The following NPLOC4 variants were observed in gnomAD, a reference collection of about 807,000 sequenced individuals.
The protein encoded by NPLOC4 is NPL4 homolog, ubiquitin recognition factor, also known as nuclear protein localization protein 4 homolog.
In NPLOC4, 18 loss-of-function variants were observed where a neutral mutation model predicts 80.6. The observed-to-expected ratio is 0.22, with a 90% CI of 0.15 to 0.33. The LOEUF (loss-of-function observed/expected upper bound fraction) is 0.33. Among genes scored for constraint, NPLOC4 ranks in the 10% least tolerant of loss-of-function variants. The pLI is 1.00. For missense variants in NPLOC4, 540 were observed against 786.1 expected (o/e 0.69, Z 3.74); for synonymous variants, 313 against 301.5 (o/e 1.04, Z -0.39).
chr17:81,617,786 G>C (rs544972269), intron 3 of NPLOC4, among the ~76,000 whole-genome samples: 1 of 151,594 alleles, frequency 6.6e-6, no homozygotes, highest in African/African-American at 2.4e-5. Flanking sequence ...AGCCTGCCGA[G>C]TGCCTGCGAT....
intron 11 of NPLOC4, among the ~76,000 whole-genome samples, chr17:81,594,823 G>A (rs1290473264): frequency 6.6e-6 from 1 of 151,768 alleles, no homozygotes. Context: ...GCGCACGCGT[G>A]TAGTCCCAAC....
intron 11 of NPLOC4, among the ~76,000 whole-genome samples, chr17:81,595,591 CT>C (rs1228831953): frequency 6.6e-6 from 1 of 150,592 alleles, no homozygotes; most frequent in African/African-American, 2.4e-5. Context: ...GTCACCCAGG[CT>C]GGAGTGCACT....
rs1332443138 is a variant in NPLOC4 at position 81,558,539 on chromosome 17, G to A, written c.*720C>T. ...GGGCTTCACTAAAGGAGGGAAGGAT[G>A]TGGAAACTAGTCTCTCTCACTCCCC... On this transcript the variant is annotated 3_prime_UTR_variant, in exon 17 of 17. Transcript: ENST00000331134. 6.6e-6 allele frequency: 1 copy of A among 152,150 alleles called. No individual in the cohort carries two copies. Among genetic ancestry groups the A allele is most frequent in the Non-Finnish European group, 1.5e-5 (1 of 68,040 alleles). The allele number at this position is 152,150 out of a possible 1,614,324, so 9.4% of individuals were successfully genotyped here. A position where few individuals can be genotyped will look rare whatever the true frequency, so the allele number is the denominator to read the frequency against.
At chr17:81,610,362 C>T in intron 4 of NPLOC4, 104 bp from the exon 5 acceptor site, 1 of 969,016 alleles carries the variant, frequency 1.0e-6, no homozygotes, top group Non-Finnish European at 1.6e-6. Flanking sequence ...GTTTCCCTGC[C>T]CACGTGGAGT....
At chr17:81,569,302 G>A (rs62073401) in intron 13 of NPLOC4, among the ~76,000 whole-genome samples, 191 bp from the exon 14 acceptor site, 11 of 152,202 alleles carry the variant, frequency 7.2e-5, no homozygotes, top group Admixed American at 3.3e-4. Flanking sequence ...TGGAAACTCC[G>A]CCATCCTGGA....
At chr17:81,618,870 T>C (rs1598676774) in intron 3 of NPLOC4, among the ~76,000 whole-genome samples, 2 of 152,340 alleles carry the variant, frequency 1.3e-5, no homozygotes, top group East Asian at 3.9e-4. Context: ...AGAAAAATTC[T>C]TCTGCCTTGG....
intron 2 of NPLOC4, among the ~76,000 whole-genome samples, chr17:81,626,048 C>T (rs1042415812): frequency 6.6e-6 from 1 of 151,316 alleles, no homozygotes; most frequent in African/African-American, 2.4e-5. Context: ...ACTCAGGAGG[C>T]TGAAACAGGA....
intron 9 of NPLOC4, 35 bp downstream of exon 9, chr17:81,600,306 C>A (rs770379964): frequency 6.5e-7 from 1 of 1,530,586 alleles, no homozygotes; most frequent in Non-Finnish European, 8.9e-7. Flanking sequence ...AGAGCCTGGC[C>A]ACGCCCCCTG....
Position 81,608,769 on chromosome 17 carries a change from G to A in NPLOC4, c.489C>T (p.Ser163=). The A allele has an allele frequency of 6.3e-7, 1 of 1,594,346 alleles. No homozygotes were observed. Among genetic ancestry groups the A allele is most frequent in the Non-Finnish European group, 8.5e-7 (1 of 1,170,088 alleles). The change falls in exon 6 of 17, where the codon TCC becomes TCT. Residue 163 remains serine (S), a synonymous_variant. Coordinates refer to ENST00000331134, the MANE Select transcript of NPLOC4 (RefSeq NM_017921.4). The stretch of plus-strand genomic sequence containing the variant: ...TCAGCTTCCGGATGTAGGCGTGGAA[G>A]GACATGTGCTTCACGGGAGGCTCGA... ...NHLEPPVKHM[S]FHAYIRKLTG...
intron 8 of NPLOC4, 104 bp downstream of exon 8, chr17:81,604,444 G>A: frequency 9.7e-7 from 1 of 1,035,566 alleles, no homozygotes. Context: ...GTGTGACAAA[G>A]GGGGAACAAA....
intron 8 of NPLOC4, 56 bp from the exon 9 acceptor site, chr17:81,600,483 A>C (rs948289015): frequency 1.6e-5 from 22 of 1,375,684 alleles, no homozygotes; most frequent in Non-Finnish European, 2.1e-5. Context: ...AGGAAGCAGC[A>C]CCCCAAGCCC....
chr17:81,562,230 T>TCAAAA (rs1272093139), intron 16 of NPLOC4: 3 of 151,724 alleles, frequency 2.0e-5, no homozygotes, highest in African/African-American at 7.3e-5. Flanking sequence ...AGATTCCGTC[T>TCAAAA]CAAAACAAAA....
At chr17:81,589,850 CA>C (rs541871324) in intron 11 of NPLOC4, among the ~76,000 whole-genome samples, 41,077 of 130,118 alleles carry the variant, frequency 0.32, 6,350 homozygotes, top group Middle Eastern at 0.45. Context: ...ATCAATCAAT[CA>C]AAAAAAAAAA....
At chr17:81,605,092 CTATTT>C (rs1303932816) in intron 7 of NPLOC4, among the ~76,000 whole-genome samples, 1 of 151,664 alleles carries the variant, frequency 6.6e-6, no homozygotes. Flanking sequence ...AATCCCGTCT[CTATTT>C]TTTTTGTATT....
Position 81,636,959 on chromosome 17 carries a change from C to A in NPLOC4, c.-29G>T. On this transcript the variant is annotated 5_prime_UTR_variant, in exon 1 of 17. Coordinates refer to ENST00000331134, the MANE Select transcript of NPLOC4 (RefSeq NM_017921.4). ...GGCTGCTCCTGCCTCCGGGCTCGAG[C>A]CCCGGGCCGCCGCCGCCTGCCGCCC... 7.9e-7 allele frequency: 1 copy of A among 1,271,040 alleles called. No individual in the cohort carries two copies. Among genetic ancestry groups the A allele is most frequent in the Non-Finnish European group, 9.9e-7 (1 of 1,007,370 alleles). The allele number at this position is 1,271,040 out of a possible 1,614,324, so 78.7% of individuals were successfully genotyped here.
In NPLOC4 at chr17:81,588,847, C is replaced by T. The variant is rs868836909; in HGVS notation, c.1281+97G>A. 6.7e-6 allele frequency: 7 copies of T among 1,037,044 alleles called. No individual in the cohort carries two copies. The Middle Eastern group carries it at 8.8e-4, about 130-fold the overall frequency. 64.2% of individuals were successfully genotyped at this position (1,037,044 alleles called of 1,614,324 possible). A position where few individuals can be genotyped will look rare whatever the true frequency, so the allele number is the denominator to read the frequency against. ...GCAGGGTTCAACCACAGCTGACAAA[C>T]GGCTGCTATAGGCAGAATGCACCCA... On this transcript the variant is annotated intron_variant, in intron 12 of 16. Transcript: ENST00000331134.
intron 3 of NPLOC4, among the ~76,000 whole-genome samples, chr17:81,613,780 A>G (rs1202859261): frequency 1.3e-5 from 2 of 151,984 alleles, no homozygotes; most frequent in African/African-American, 4.8e-5. Context: ...CACAGCCACA[A>G]TGGACCTGCT....
chr17:81,636,861 G>T, intron 1 of NPLOC4, 55 bp downstream of exon 1: 1 of 1,388,322 alleles, frequency 7.2e-7, no homozygotes, highest in East Asian at 3.1e-5. Context: ...GCCGAGGCCG[G>T]CAAATCTGCT....
chr17:81,591,362 G>A (rs1345714874), intron 11 of NPLOC4, among the ~76,000 whole-genome samples: 1 of 146,650 alleles, frequency 6.8e-6, no homozygotes, highest in Admixed American at 7.0e-5. Flanking sequence ...TTGACCCCAG[G>A]TAGCAGAGGC....
Sources: allele counts gnomAD v4.1 joint callset (sites outside exome capture counted in the v4.1 genomes callset), GRCh38; gene constraint gnomAD v4.1.1; transcripts MANE v1.5; gene names NCBI Gene and HGNC (gene_info 2026-07-23, HGNC 2026-07-21).